IKZF1: variants seen among roughly 807,000 people sequenced by gnomAD.
IKZF1 encodes IKAROS family zinc finger 1.
In IKZF1, 10 loss-of-function variants were observed where a neutral mutation model predicts 51.7. The observed-to-expected ratio is 0.19, with a 90% confidence interval of 0.12 to 0.33. The LOEUF is 0.33. Among genes scored for constraint, IKZF1 ranks in the 10% least tolerant of loss-of-function variants. The probability of loss-of-function intolerance (pLI) is 1.00; values close to 1 mark genes in which losing one functional copy is unlikely to be tolerated. For missense variants in IKZF1, 484 were observed against 707.5 expected, an observed-to-expected ratio of 0.68 and a Z score of 3.58; for synonymous variants, 280 against 282.3, an observed-to-expected ratio of 0.99 and a Z score of 0.08.
intron 3 of IKZF1, among the ~76,000 whole-genome samples, chr7:50,341,201 TG>T (rs878891231): frequency 0.024 from 3,566 of 145,886 alleles, 190 homozygotes; most frequent in Admixed American, 0.13. Flanking sequence ...TGGAGTGCAG[TG>T]GTGTGATCTT....
At position 50,304,750 on chromosome 7, in the gene IKZF1, G is replaced by A. The variant is rs1203120671; in HGVS notation, c.-187G>A. The A allele has an allele frequency of 2.0e-5, 3 of 152,122 alleles. No individual in the cohort carries two copies. The highest frequency in any genetic ancestry group is 7.2e-5 in the African/African-American group (3 of 41,530). 9.4% of individuals were successfully genotyped at this position (152,122 alleles called of 1,614,324 possible). A position where few individuals can be genotyped will look rare whatever the true frequency, so the allele number is the denominator to read the frequency against. On this transcript the variant is annotated 5_prime_UTR_variant, in exon 1 of 8. Coordinates refer to ENST00000331340, the MANE Select transcript of IKZF1 (RefSeq NM_006060.6). ...AGTGACTGCGCGGCCCGCGCCCGGG[G>A]CGGTGACTGCGGCAAGCCCCCTGGG...
chr7:50,352,813 T>G (rs1802197683), intron 3 of IKZF1, among the ~76,000 whole-genome samples: 1 of 152,262 alleles, frequency 6.6e-6, no homozygotes, highest in Non-Finnish European at 1.5e-5. Flanking sequence ...TTATTATTTA[T>G]TAGGAAATTT....
intron 3 of IKZF1, among the ~76,000 whole-genome samples, chr7:50,332,210 G>T (rs1482941558): frequency 3.3e-5 from 5 of 152,152 alleles, no homozygotes; most frequent in Non-Finnish European, 7.3e-5. Flanking sequence ...TCAGGGTTGG[G>T]GTCTGGAGAG....
At chr7:50,325,795 T>C (rs749135154) in intron 2 of IKZF1, among the ~76,000 whole-genome samples, 5 of 152,062 alleles carry the variant, frequency 3.3e-5, no homozygotes, top group Non-Finnish European at 7.4e-5. Flanking sequence ...AAAAATTCTA[T>C]TTACAGCAGT....
In IKZF1 at chr7:50,327,716, C is replaced by T; in HGVS notation, c.119C>T (p.Thr40Ile). ...PMPIPEDLST[T>I]SGGQQSSKSD... ...CCGATCCCCGAGGACCTCTCCACCA[C>T]CTCGGGAGGACAGCAAAGCTCCAAG... The change falls in exon 3 of 8, where the codon ACC (threonine) becomes ATC (isoleucine). Residue 40 changes from threonine (T) to isoleucine (I), a missense_variant. By Grantham distance (89) the Thr-to-Ile change is moderately conservative. Around this residue, in one of 6 missense-constraint regions of IKZF1, gnomAD observed 118 missense variants for 138.4 expected, o/e 0.85. Transcript: ENST00000331340. The T allele has an allele frequency of 6.2e-7, 1 of 1,613,644 alleles. No individual in the cohort carries two copies. The highest frequency in any genetic ancestry group is 8.5e-7 in the Non-Finnish European group (1 of 1,179,778).
chr7:50,391,625 C>G, intron 6 of IKZF1, 104 bp from the exon 7 acceptor site: 1 of 1,495,600 alleles, frequency 6.7e-7, no homozygotes. Flanking sequence ...TAGGAAGGGC[C>G]TGGCTCTTGT....
At chr7:50,389,716 A>C (rs1814487010) in intron 6 of IKZF1, among the ~76,000 whole-genome samples, 1 of 152,188 alleles carries the variant, frequency 6.6e-6, no homozygotes, top group Non-Finnish European at 1.5e-5. Context: ...TTGGAGTATT[A>C]AGGGGATCCA....
intron 3 of IKZF1, among the ~76,000 whole-genome samples, chr7:50,372,690 T>C (rs1434981498): frequency 2.0e-5 from 3 of 152,260 alleles, no homozygotes; most frequent in Non-Finnish European, 4.4e-5. Flanking sequence ...TCCCTACTGC[T>C]GTTCCTACAG....
intron 3 of IKZF1, among the ~76,000 whole-genome samples, chr7:50,338,440 C>G (rs1798285893): frequency 6.6e-6 from 1 of 152,166 alleles, no homozygotes; most frequent in African/African-American, 2.4e-5. Flanking sequence ...ATAGTTAGCT[C>G]TGTGTATAAA....
At chr7:50,362,403 G>A (rs75520420) in intron 3 of IKZF1, among the ~76,000 whole-genome samples, 1,980 of 152,290 alleles carry the variant, frequency 0.013, 47 homozygotes, top group African/African-American at 0.045. Context: ...CACTGAAGGC[G>A]TTTTCCTGCC....
chr7:50,404,404 G>A lies in IKZF1; in HGVS notation c.*3777G>A, dbSNP rs1254431846. 4.4e-6 allele frequency: 1 copy of A among 227,888 alleles called. No individual in the cohort carries two copies. Among genetic ancestry groups the A allele is most frequent in the Non-Finnish European group, 8.7e-6 (1 of 114,684 alleles). 14.1% of individuals were successfully genotyped at this position (227,888 alleles called of 1,614,324 possible). ...GTACACATTTTGAAATGCTTCTTCT[G>A]TAGTGATAGAACAAATAAATGCAAC... On this transcript the variant is annotated 3_prime_UTR_variant, in exon 8 of 8. Coordinates refer to ENST00000331340, the MANE Select transcript of IKZF1 (RefSeq NM_006060.6).
At chr7:50,391,667 G>T in intron 6 of IKZF1, 62 bp from the exon 7 acceptor site, 1 of 1,586,590 alleles carries the variant, frequency 6.3e-7, no homozygotes, top group Non-Finnish European at 8.6e-7. Flanking sequence ...TTTAACATTG[G>T]ACGCGACTGA....
intron 7 of IKZF1, among the ~76,000 whole-genome samples, chr7:50,395,861 C>T (rs1816569305): frequency 6.6e-6 from 1 of 152,164 alleles, no homozygotes; most frequent in African/African-American, 2.4e-5. Flanking sequence ...GGTCTTGGGC[C>T]ACTCTTTCTT....
At chr7:50,371,578 C>T (rs899782714) in intron 3 of IKZF1, among the ~76,000 whole-genome samples, 3 of 152,366 alleles carry the variant, frequency 2.0e-5, no homozygotes, top group Admixed American at 2.0e-4. Context: ...CCAGGGCTTG[C>T]TTCTCTGCCC....
intron 3 of IKZF1, chr7:50,369,336 T>C (rs556377411): frequency 5.1e-6 from 2 of 393,152 alleles, no homozygotes; most frequent in South Asian, 2.9e-4. Context: ...AGAGCATATG[T>C]TGAAGCAGAC....
intron 3 of IKZF1, among the ~76,000 whole-genome samples, chr7:50,333,249 A>G (rs1180860272): frequency 2.0e-5 from 3 of 149,824 alleles, no homozygotes; most frequent in Non-Finnish European, 4.4e-5. Flanking sequence ...TAAGAGGATT[A>G]CCATATTTTA....
chr7:50,337,031 C>G (rs1797953062), intron 3 of IKZF1, among the ~76,000 whole-genome samples: 1 of 152,066 alleles, frequency 6.6e-6, no homozygotes, highest in Non-Finnish European at 1.5e-5. Flanking sequence ...GGATAATGCC[C>G]TAGAAAGAGG....
chr7:50,340,748 A>G (rs1221933642), intron 3 of IKZF1, among the ~76,000 whole-genome samples: 9 of 152,222 alleles, frequency 5.9e-5, no homozygotes, highest in African/African-American at 2.2e-4. Flanking sequence ...ATGTTTAGTG[A>G]CAATTAACTA....
chr7:50,400,452 A>G lies in IKZF1; in HGVS notation c.1385A>G (p.Tyr462Cys), dbSNP rs1817886561. The G allele has an allele frequency of 6.2e-7, 1 of 1,613,860 alleles. No homozygotes were observed. Among genetic ancestry groups the G allele is most frequent in the Non-Finnish European group, 8.5e-7 (1 of 1,179,910 alleles). ...ACCAGCGGGGAGCAGATGAAGGTGT[A>G]CAAGTGCGAACACTGCCGGGTGCTC... is the stretch of plus-strand genomic sequence containing the variant. The part of the protein sequence containing the change: ...VSTSGEQMKV[Y>C]KCEHCRVLFL... Residue 462 changes from tyrosine to cysteine, a missense_variant, in exon 8 of 8, where the codon TAC becomes TGC. Coordinates refer to ENST00000331340, the MANE Select transcript of IKZF1 (RefSeq NM_006060.6). The surrounding 1 kb of genome is among the most constrained non-coding windows in gnomAD (Gnocchi z 5.4).
Sources: gnomAD v4.1 joint callset for allele counts (sites outside exome capture counted in the v4.1 genomes callset) on GRCh38, gnomAD v4.1.1 for gene constraint, gnomAD v4.1.1 regional missense constraint, Gnocchi (gnomAD v3.1) non-coding constraint, MANE v1.5 for transcripts, NCBI Gene and HGNC (gene_info 2026-07-23, HGNC 2026-07-21) for gene names.